The following KCNN2 variants were observed in gnomAD, a reference collection of about 807,000 sequenced individuals.
KCNN2 encodes small conductance calcium-activated potassium channel protein 2.
Under a neutral mutation model 55.5 loss-of-function variants are expected in KCNN2, and 24 were observed. That is an observed-to-expected ratio of 0.43 (90% CI 0.31 to 0.61). The LOEUF (loss-of-function observed/expected upper bound fraction) is 0.61. Ranked by LOEUF, KCNN2 falls within the 20% of genes least tolerant of loss-of-function variation. The pLI, the probability that KCNN2 is intolerant of heterozygous loss-of-function variation, is 0.08. For synonymous variants in KCNN2, 431 were observed against 336.1 expected (o/e 1.28, Z -3.09); for missense variants, 754 against 853.6 (o/e 0.88, Z 1.45).
chr5:114,204,505 C>CT (rs1196073203), intron 1 of KCNN2, among the ~76,000 whole-genome samples: 1 of 152,218 alleles, frequency 6.6e-6, no homozygotes, highest in Admixed American at 6.5e-5. Context: ...ACAGTGCTGC[C>CT]TCCTAGAAGT....
intron 2 of KCNN2, among the ~76,000 whole-genome samples, chr5:114,258,615 T>C (rs1361483199): frequency 6.6e-6 from 1 of 152,172 alleles, no homozygotes; most frequent in Admixed American, 6.5e-5. Context: ...CTAGGTTTTC[T>C]GGTTTGTGAG....
intron 2 of KCNN2, among the ~76,000 whole-genome samples, chr5:114,331,585 T>C (rs28320): frequency 0.41 from 62,087 of 152,062 alleles, 13,503 homozygotes; most frequent in East Asian, 0.86. Context: ...ATTCATAGCA[T>C]AAATAATCTA....
intron 2 of KCNN2, among the ~76,000 whole-genome samples, chr5:114,273,351 C>G (rs1173538131): frequency 6.6e-6 from 1 of 152,094 alleles, no homozygotes; most frequent in Non-Finnish European, 1.5e-5. Flanking sequence ...GTGCATGTGT[C>G]TTTATTGTAG....
chr5:114,160,092 T>C (rs1370957598), intron 1 of KCNN2, among the ~76,000 whole-genome samples: 3 of 152,192 alleles, frequency 2.0e-5, no homozygotes, highest in African/African-American at 7.2e-5. Flanking sequence ...TTAATTGTGA[T>C]GTTAGGGTGT....
At chr5:114,358,081 G>A (rs1757331729), upstream of KCNN2, among the ~76,000 whole-genome samples, 1 of 149,146 alleles carries the variant, frequency 6.7e-6, no homozygotes, top group Non-Finnish European at 1.5e-5. Flanking sequence ...TGTGTTTTTT[G>A]GCTGCATAAA....
chr5:114,348,930 A>G (rs1325069761), intron 2 of KCNN2, among the ~76,000 whole-genome samples: 2 of 152,098 alleles, frequency 1.3e-5, no homozygotes, highest in African/African-American at 4.8e-5. Flanking sequence ...CATACAATCT[A>G]CCCATTTAAA....
rs568937047 is a variant in KCNN2, at chr5:114,426,354, T to G, written c.1637+21498T>G. Among the ~76,000 whole-genome samples, 11 of 152,348 alleles carry G rather than the reference T, an allele frequency of 7.2e-5. No homozygotes were observed. In the East Asian group the frequency reaches 2.1e-3, roughly 29 times the overall value. ...CTGTCATAAATCCTACTTGGTCATT[T>G]TGTATAATTCTTTTTACCTGTATGT... On this transcript the variant is annotated intron_variant, in intron 3 of 7. Coordinates refer to ENST00000673685, the MANE Select transcript of KCNN2 (RefSeq NM_021614.4).
At chr5:114,304,229 GT>G (rs947404843) in intron 2 of KCNN2, among the ~76,000 whole-genome samples, 42 of 152,028 alleles carry the variant, frequency 2.8e-4, no homozygotes, top group African/African-American at 7.0e-4. Flanking sequence ...CAGGTTTGAG[GT>G]TTTTTTCCTC....
intron 2 of KCNN2, among the ~76,000 whole-genome samples, chr5:114,305,308 C>G (rs919907103): frequency 5.3e-5 from 8 of 152,180 alleles, no homozygotes; most frequent in Non-Finnish European, 8.8e-5. Context: ...GATCTCTGAA[C>G]AAACAGGAGA....
chr5:114,140,163 A>G (rs937473839), intron 1 of KCNN2, among the ~76,000 whole-genome samples: 2 of 152,236 alleles, frequency 1.3e-5, no homozygotes, highest in Non-Finnish European at 1.5e-5. Flanking sequence ...AAATAATAGT[A>G]GATATAACCT....
chr5:114,197,593 C>T (rs1350865822), intron 1 of KCNN2, among the ~76,000 whole-genome samples: 1 of 152,188 alleles, frequency 6.6e-6, no homozygotes, highest in African/African-American at 2.4e-5. Flanking sequence ...AGAGCTTCCT[C>T]CTTACAAATG....
intron 2 of KCNN2, among the ~76,000 whole-genome samples, chr5:114,289,059 G>A (rs1404867258): frequency 1.3e-5 from 2 of 152,062 alleles, no homozygotes; most frequent in Admixed American, 6.6e-5. Context: ...TCCCTTGAAC[G>A]TGGATATACA....
intron 2 of KCNN2, among the ~76,000 whole-genome samples, chr5:114,312,386 TACACACACAC>T (rs70976336): frequency 0.014 from 702 of 51,324 alleles, 18 homozygotes; most frequent in South Asian, 0.029. Flanking sequence ...AAAAAGGAGA[TACACACACAC>T]ACACACACAC....
chr5:114,367,384 G>C (rs1757631668), intron 2 of KCNN2, among the ~76,000 whole-genome samples: 1 of 152,194 alleles, frequency 6.6e-6, no homozygotes, highest in African/African-American at 2.4e-5. Flanking sequence ...ATCAGATTTA[G>C]TAGGAGTAAT....
At position 114,362,923 on chromosome 5, in the gene KCNN2, T is replaced by C. The variant is rs1011430566; in HGVS notation, c.784T>C (p.Ser262Pro). 16 of 1,568,634 alleles carry C rather than the reference T, an allele frequency of 1.0e-5. No homozygotes were observed. Among genetic ancestry groups the C allele is most frequent in the Non-Finnish European group, 1.3e-5 (15 of 1,168,154 alleles). Residue 262 changes from serine (S) to proline (P), a missense_variant, in exon 1 of 8, where the codon TCT (serine) becomes CCT (proline). Transcript: ENST00000673685. ...VGGGGGASSP[S>P]AAAAAAAAVS... is the part of the protein sequence containing the mutation. Reference sequence around the variant, plus strand: ...AGGAGGTGGCGGCGCGTCCTCCCCGTCTGCAGCCGCTGCCGCCGCCGCCGC... The same window carrying C: ...AGGAGGTGGCGGCGCGTCCTCCCCGCCTGCAGCCGCTGCCGCCGCCGCCGC...
At chr5:114,176,676 A>T (rs1351588675) in intron 1 of KCNN2, among the ~76,000 whole-genome samples, 4 of 152,180 alleles carry the variant, frequency 2.6e-5, no homozygotes, top group African/African-American at 9.6e-5. Context: ...GTGTTCTTCT[A>T]CACATTTATT....
At chr5:114,366,874 C>T (rs1757617322) in intron 2 of KCNN2, among the ~76,000 whole-genome samples, 1 of 152,152 alleles carries the variant, frequency 6.6e-6, no homozygotes, top group African/African-American at 2.4e-5. Context: ...ATAGCGTGTC[C>T]TTGGATGTAG....
At chr5:114,447,789 C>G (rs1760479488) in intron 3 of KCNN2, among the ~76,000 whole-genome samples, 1 of 152,188 alleles carries the variant, frequency 6.6e-6, no homozygotes, top group African/African-American at 2.4e-5. Flanking sequence ...TTTTGATGAG[C>G]TGAGTATGTA....
chr5:114,305,895 G>A (rs959839470), intron 2 of KCNN2, among the ~76,000 whole-genome samples: 2 of 152,172 alleles, frequency 1.3e-5, no homozygotes, highest in Non-Finnish European at 2.9e-5. Context: ...GGCAGATAAA[G>A]CAATATACTT....
Sources: allele counts gnomAD v4.1 joint callset (sites outside exome capture counted in the v4.1 genomes callset), GRCh38; gene constraint gnomAD v4.1.1; transcripts MANE v1.5; gene names NCBI Gene and HGNC (gene_info 2026-07-23, HGNC 2026-07-21).